Variants in PTPRD observed in about 807,000 individuals in gnomAD.
The protein encoded by PTPRD is protein tyrosine phosphatase receptor type D.
A neutral mutation model predicts 214.5 loss-of-function variants in PTPRD; 34 were observed. The observed-to-expected ratio is 0.16, with a 90% CI of 0.12 to 0.21. The LOEUF is 0.21. Ranked by LOEUF, PTPRD falls within the 10% of genes least tolerant of loss-of-function variation. PTPRD has a pLI of 1.00. For synonymous variants in PTPRD, 1,128 were observed against 845.7 expected, an observed-to-expected ratio of 1.33 and a Z score of -5.79; for missense variants, 2,545 against 2,398.7, an observed-to-expected ratio of 1.06 and a Z score of -1.27.
intron 43 of PTPRD, among the ~76,000 whole-genome samples, chr9:8,337,401 G>C (rs1564060091): frequency 6.6e-6 from 1 of 151,996 alleles, no homozygotes. Context: ...GTTGAACAAT[G>C]AGAACACACG....
chr9:10,212,642 C>T (rs962706280), intron 3 of PTPRD, among the ~76,000 whole-genome samples: 1 of 152,072 alleles, frequency 6.6e-6, no homozygotes, highest in Admixed American at 6.6e-5. Flanking sequence ...TTTGTCATCC[C>T]TAATCATTCT....
At position 9,515,465 on chromosome 9, in the gene PTPRD, G is replaced by T. The variant is rs530168694; in HGVS notation, c.-237+59267C>A. On this transcript the variant is annotated intron_variant, in intron 8 of 45. Transcript: ENST00000381196. ...TTCTATCCATCAACTACTTTAAAAT[G>T]AATTATGAGGAAGAAAAGATAATCT... Among the ~76,000 whole-genome samples, 9 of 152,062 alleles carry T rather than the reference G, an allele frequency of 5.9e-5. No individual in the cohort carries two copies. In the South Asian group the frequency reaches 1.9e-3, roughly 32 times the overall value.
At chr9:8,445,072 T>A (rs2095672068) in intron 34 of PTPRD, among the ~76,000 whole-genome samples, 1 of 152,190 alleles carries the variant, frequency 6.6e-6, no homozygotes, top group Non-Finnish European at 1.5e-5. Context: ...CTACGTCACC[T>A]CTCTCTTTTA....
intron 8 of PTPRD, among the ~76,000 whole-genome samples, chr9:9,423,266 T>C (rs184088273): frequency 2.0e-5 from 3 of 152,174 alleles, no homozygotes; most frequent in Admixed American, 2.0e-4. Flanking sequence ...TGGAAGTTAA[T>C]TAGGTTTAGA....
intron 3 of PTPRD, among the ~76,000 whole-genome samples, chr9:10,184,291 G>A (rs1263299659): frequency 1.3e-5 from 2 of 152,134 alleles, no homozygotes; most frequent in African/African-American, 4.8e-5. Context: ...CAGACGTGGT[G>A]GCATGCGCCT....
chr9:9,078,747 C>T (rs994657804), intron 10 of PTPRD, among the ~76,000 whole-genome samples: 2 of 152,016 alleles, frequency 1.3e-5, no homozygotes, highest in Non-Finnish European at 2.9e-5. Flanking sequence ...AGGACCCAGT[C>T]GATCCTGCAG....
At chr9:8,886,251 A>G (rs889711823) in intron 11 of PTPRD, among the ~76,000 whole-genome samples, 6 of 152,174 alleles carry the variant, frequency 3.9e-5, no homozygotes, top group Non-Finnish European at 7.3e-5. Flanking sequence ...AGACACAGGG[A>G]TAACTACACA....
chr9:10,290,124 G>A lies in PTPRD; in HGVS notation c.-545+50839C>T, dbSNP rs573022521. 7.2e-5 allele frequency among the ~76,000 whole-genome samples: 11 copies of A among 152,230 alleles called. 1 individual carries two copies. The highest frequency in any genetic ancestry group is 1.9e-4 in the East Asian group (1 of 5,182). On this transcript the variant is annotated intron_variant, in intron 3 of 45. Transcript: ENST00000381196. ...ATTATCCAGGAGCTTCCCCAAAGGT[G>A]TGTAAAAATAACTACATTAAATGGT...
chr9:9,561,616 T>C (rs1054232280), intron 8 of PTPRD, among the ~76,000 whole-genome samples: 2 of 152,096 alleles, frequency 1.3e-5, no homozygotes, highest in African/African-American at 4.8e-5. Flanking sequence ...CAGTTAGAAA[T>C]GTGCAGGGAA....
At chr9:9,719,925 A>G (rs534374803) in intron 7 of PTPRD, among the ~76,000 whole-genome samples, 40 of 152,308 alleles carry the variant, frequency 2.6e-4, no homozygotes, top group Non-Finnish European at 3.5e-4. Flanking sequence ...GCGCTGCTCA[A>G]GTAGCCAACA....
At chr9:9,246,352 C>G (rs1271890263) in intron 9 of PTPRD, among the ~76,000 whole-genome samples, 2 of 152,006 alleles carry the variant, frequency 1.3e-5, no homozygotes, top group Non-Finnish European at 2.9e-5. Context: ...TGAAGCTTGA[C>G]CACTTGATAT....
chr9:9,992,083 C>T (rs948028584), intron 4 of PTPRD, among the ~76,000 whole-genome samples: 1 of 152,252 alleles, frequency 6.6e-6, no homozygotes, highest in Admixed American at 6.5e-5. Flanking sequence ...TTGTCTAGAC[C>T]TGGAGGCTGT....
At position 10,323,185 on chromosome 9, in the gene PTPRD, TTTTC is replaced by T. The variant is rs1268040563; in HGVS notation, c.-545+17774_-545+17777del. On this transcript the variant is annotated intron_variant, in intron 3 of 45. Transcript: ENST00000381196. ...CTTTTTCTTTCTCTCTTTCTTTTCT[TTTTC>T]TTTCTTTCTTCTTCCCTCCCCTCCC... Among the ~76,000 whole-genome samples the T allele has an allele frequency of 1.1e-4, 16 of 149,636 alleles. No individual in the cohort carries two copies. The South Asian group carries it at 1.3e-3, about 12-fold the overall frequency.
In PTPRD at chr9:9,920,447, A is replaced by T. The variant is rs151092706; in HGVS notation, c.-368+18060T>A. Among the ~76,000 whole-genome samples the T allele has an allele frequency of 2.9e-3, 439 of 152,262 alleles. 2 individuals carry two copies. Among genetic ancestry groups the T allele is most frequent in the African/African-American group, 9.6e-3 (399 of 41,572 alleles). ...ATGTTGAAAAACATAATAAGGTCAC[A>T]GCAGGGAGGCTTTAGCTTCATTAAA... On this transcript the variant is annotated intron_variant, in intron 5 of 45. Coordinates refer to ENST00000381196, the MANE Select transcript of PTPRD (RefSeq NM_002839.4).
At chr9:10,567,368 A>G (rs2131775467) in intron 2 of PTPRD, among the ~76,000 whole-genome samples, 1 of 147,820 alleles carries the variant, frequency 6.8e-6, no homozygotes, top group Admixed American at 6.8e-5. Flanking sequence ...TTAGGTAAAT[A>G]CTATAGCTTT....
At chr9:9,254,425 C>T (rs973853176) in intron 9 of PTPRD, among the ~76,000 whole-genome samples, 2 of 151,762 alleles carry the variant, frequency 1.3e-5, no homozygotes, top group Non-Finnish European at 2.9e-5. Context: ...TATTGTTTTT[C>T]GTTAGCTTTT....
At chr9:10,038,350 A>T (rs1344029943) in intron 3 of PTPRD, among the ~76,000 whole-genome samples, 1 of 152,060 alleles carries the variant, frequency 6.6e-6, no homozygotes, top group East Asian at 1.9e-4. Flanking sequence ...ATAGCCCCCA[A>T]ATTGGACATT....
chr9:8,452,442 A>G (rs1391166638), intron 33 of PTPRD, among the ~76,000 whole-genome samples: 1 of 152,234 alleles, frequency 6.6e-6, no homozygotes, highest in African/African-American at 2.4e-5. Flanking sequence ...TAAAATATTA[A>G]AAGACATATA....
At position 10,037,447 on chromosome 9, in the gene PTPRD, C is replaced by T. The variant is rs540705058; in HGVS notation, c.-544-3657G>A. On this transcript the variant is annotated intron_variant, in intron 3 of 45. Coordinates refer to ENST00000381196, the MANE Select transcript of PTPRD (RefSeq NM_002839.4). Reference sequence around the variant, plus strand: ...GGCCATATGAAGATGCCTGCTCCAGCTTCACCTTCTGCCATGAGTAAAAGC... The same window carrying T: ...GGCCATATGAAGATGCCTGCTCCAGTTTCACCTTCTGCCATGAGTAAAAGC... Among the ~76,000 whole-genome samples, 4 of 152,222 alleles carry T rather than the reference C, an allele frequency of 2.6e-5. No individual in the cohort carries two copies. The South Asian group carries it at 8.3e-4, about 32-fold the overall frequency.
Sources: gnomAD v4.1 joint callset for allele counts (sites outside exome capture counted in the v4.1 genomes callset) on GRCh38, gnomAD v4.1.1 for gene constraint, MANE v1.5 for transcripts, NCBI Gene and HGNC (gene_info 2026-07-23, HGNC 2026-07-21) for gene names.